Variants in PRIM2 observed in about 807,000 individuals in gnomAD.
PRIM2 encodes the protein DNA primase subunit 2.
In PRIM2, 39 loss-of-function variants were observed where a neutral mutation model predicts 67.3. That is an observed-to-expected ratio of 0.58 (90% CI 0.45 to 0.76). PRIM2 has a LOEUF of 0.76. Among genes scored for constraint, PRIM2 ranks in the 30% least tolerant of loss-of-function variants. PRIM2 has a pLI of 0.00. For synonymous variants in PRIM2, 143 were observed against 198.7 expected (o/e 0.72, Z 2.36); for missense variants, 398 against 598.7 (o/e 0.66, Z 3.50).
the PRIM2 span, among the ~76,000 whole-genome samples, chr6:57,229,518 C>A: frequency 6.7e-6 from 1 of 149,860 alleles, no homozygotes; most frequent in Admixed American, 6.7e-5. Flanking sequence ...GACTGAATCT[C>A]GCTCTGTTGC....
At chr6:57,456,007 C>G (rs1772762819) in intron 7 of PRIM2, among the ~76,000 whole-genome samples, 3 of 152,168 alleles carry the variant, frequency 2.0e-5, no homozygotes, top group East Asian at 3.9e-4. Flanking sequence ...TCAGCATTTG[C>G]TTGTCTGTAA....
intron 7 of PRIM2, among the ~76,000 whole-genome samples, chr6:57,388,575 C>T (rs1770226471): frequency 6.6e-6 from 1 of 151,978 alleles, no homozygotes; most frequent in Admixed American, 6.6e-5. Context: ...AAGGCAGGTA[C>T]CATTATCACT....
At chr6:57,316,985 G>A (rs1767500305), upstream of PRIM2, among the ~76,000 whole-genome samples, 1 of 152,226 alleles carries the variant, frequency 6.6e-6, no homozygotes, top group Admixed American at 6.5e-5. Flanking sequence ...CATTGCCGGA[G>A]AGCGGGGAGC....
At chr6:57,461,072 T>C (rs145511110) in intron 7 of PRIM2, among the ~76,000 whole-genome samples, 2 of 152,160 alleles carry the variant, frequency 1.3e-5, no homozygotes, top group Non-Finnish European at 2.9e-5. Flanking sequence ...AAAGTCAGGG[T>C]TTAGTTAAGC....
chr6:57,533,744 T>C (rs1774939637), intron 9 of PRIM2, among the ~76,000 whole-genome samples: 3 of 152,226 alleles, frequency 2.0e-5, no homozygotes, highest in Non-Finnish European at 4.4e-5. Flanking sequence ...CTGTTGGAGT[T>C]CATAGAAATA....
At chr6:57,426,584 C>T (rs1261714106) in intron 7 of PRIM2, among the ~76,000 whole-genome samples, 4 of 152,190 alleles carry the variant, frequency 2.6e-5, no homozygotes, top group African/African-American at 9.7e-5. Flanking sequence ...TGAGATACAG[C>T]AGTACACCCA....
chr6:57,361,292 G>C (rs1295323186), intron 5 of PRIM2, among the ~76,000 whole-genome samples: 2 of 152,148 alleles, frequency 1.3e-5, no homozygotes, highest in Admixed American at 1.3e-4. Context: ...TATCCTTTCT[G>C]AGTGCATCGT....
At chr6:57,399,781 CTGATGGCCAG>C (rs1770643962) in intron 7 of PRIM2, among the ~76,000 whole-genome samples, 1 of 151,904 alleles carries the variant, frequency 6.6e-6, no homozygotes, top group Non-Finnish European at 1.5e-5. Context: ...TTGTATTTCT[CTGATGGCCAG>C]TGATGATGAG....
chr6:57,266,614 G>A, the PRIM2 span, among the ~76,000 whole-genome samples: 1 of 152,164 alleles, frequency 6.6e-6, no homozygotes, highest in Non-Finnish European at 1.5e-5. Context: ...ATGAATTGCT[G>A]TGAAAAAGAG....
intron 5 of PRIM2, among the ~76,000 whole-genome samples, chr6:57,360,367 A>T (rs1405120223): frequency 1.3e-5 from 2 of 152,170 alleles, no homozygotes; most frequent in Admixed American, 1.3e-4. Flanking sequence ...TCAGCATTTA[A>T]TGCTTTATAT....
At chr6:57,316,189 G>T (rs1210898754), upstream of PRIM2, among the ~76,000 whole-genome samples, 1 of 152,158 alleles carries the variant, frequency 6.6e-6, no homozygotes, top group Non-Finnish European at 1.5e-5. Flanking sequence ...ACCTTTGGGA[G>T]GCCGAGGTGG....
rs1323252176 is a variant in PRIM2, at chr6:57,335,834, C to T, written c.459+9789C>T. On this transcript the variant is annotated intron_variant, in intron 5 of 13. Coordinates refer to ENST00000615550, the MANE Select transcript of PRIM2 (RefSeq NM_000947.5). ...CCTCCAAAGGAACGCAGTTCCTCAC[C>T]AGCAACGGAACAAAGCTGGACGGAG... Among the ~76,000 whole-genome samples the T allele has an allele frequency of 9.2e-5, 14 of 152,300 alleles. No homozygotes were observed. In the South Asian group the frequency reaches 1.0e-3, roughly 11 times the overall value.
At chr6:57,445,861 G>A (rs1242552461) in intron 7 of PRIM2, among the ~76,000 whole-genome samples, 1 of 152,176 alleles carries the variant, frequency 6.6e-6, no homozygotes, top group Non-Finnish European at 1.5e-5. Flanking sequence ...GATTACCAAA[G>A]GGGTTGTGCT....
chr6:57,332,176 AT>A (rs1023080051), intron 5 of PRIM2, among the ~76,000 whole-genome samples: 3 of 151,838 alleles, frequency 2.0e-5, no homozygotes, highest in African/African-American at 7.3e-5. Context: ...ACGTTTTTGA[AT>A]TTCCTGAACT....
intron 7 of PRIM2, among the ~76,000 whole-genome samples, chr6:57,429,208 G>A (rs1771738661): frequency 6.6e-6 from 1 of 152,066 alleles, no homozygotes; most frequent in African/African-American, 2.4e-5. Context: ...AGGGAGATTG[G>A]GCTCAACTCA....
At chr6:57,472,957 G>C (rs1348266327) in intron 7 of PRIM2, among the ~76,000 whole-genome samples, 1 of 152,158 alleles carries the variant, frequency 6.6e-6, no homozygotes, top group Non-Finnish European at 1.5e-5. Flanking sequence ...GCCACTTTTC[G>C]TTGAATTAGT....
the PRIM2 span, among the ~76,000 whole-genome samples, chr6:57,258,275 G>C: frequency 6.6e-6 from 1 of 151,946 alleles, no homozygotes; most frequent in African/African-American, 2.4e-5. Flanking sequence ...GCTTGAACCC[G>C]TAAAGTATGA....
intron 13 of PRIM2, among the ~76,000 whole-genome samples, chr6:57,640,275 A>G (rs1269261672): frequency 1.3e-5 from 2 of 152,176 alleles, no homozygotes; most frequent in Non-Finnish European, 2.9e-5. Flanking sequence ...CCCACAGCCA[A>G]TATCATACTG....
At chr6:57,641,160 T>C (rs1376134665) in intron 13 of PRIM2, among the ~76,000 whole-genome samples, 1 of 152,064 alleles carries the variant, frequency 6.6e-6, no homozygotes, top group East Asian at 1.9e-4. Context: ...ATTTAATAAA[T>C]AGTTTTGAAA....
Sources: allele counts gnomAD v4.1 joint callset (sites outside exome capture counted in the v4.1 genomes callset), GRCh38; gene constraint gnomAD v4.1.1; transcripts MANE v1.5; gene names NCBI Gene and HGNC (gene_info 2026-07-23, HGNC 2026-07-21).